Variants in PPP1R9A observed in about 807,000 individuals in gnomAD.
The protein encoded by PPP1R9A is protein phosphatase 1 regulatory subunit 9A, also known as neurabin-1.
In PPP1R9A, 59 loss-of-function variants were observed where a neutral mutation model predicts 141.9. The ratio of observed to expected loss-of-function variants is 0.42; its 90% confidence interval spans 0.34 to 0.52. PPP1R9A has a LOEUF of 0.52. Among genes scored for constraint, PPP1R9A ranks in the 20% least tolerant of loss-of-function variants. The pLI, the probability that PPP1R9A is intolerant of heterozygous loss-of-function variation, is 0.10. For synonymous variants in PPP1R9A, 500 were observed against 569.7 expected (o/e 0.88, Z 1.74); for missense variants, 1,444 against 1,611.9 (o/e 0.90, Z 1.78).
chr7:94,976,616 G>A (rs1298297949), intron 2 of PPP1R9A, among the ~76,000 whole-genome samples: 1 of 152,038 alleles, frequency 6.6e-6, no homozygotes, highest in Non-Finnish European at 1.5e-5. Context: ...TATTCTTAAT[G>A]CATATTTTGT....
chr7:95,109,938 C>A (rs1394994167), intron 2 of PPP1R9A, among the ~76,000 whole-genome samples: 1 of 151,914 alleles, frequency 6.6e-6, no homozygotes, highest in Admixed American at 6.6e-5. Context: ...AGCACTAACC[C>A]TATACTATGG....
At position 94,944,555 on chromosome 7, in the gene PPP1R9A, G is replaced by A. The variant is rs190424188; in HGVS notation, c.1395+33047G>A. ...TACTTAAGGGGGAAGAGGGCACCTC[G>A]TTTCTTATAAAACTGTAGAGTTAAA... On this transcript the variant is annotated intron_variant, in intron 2 of 19. Transcript: ENST00000433360. Among the ~76,000 whole-genome samples, 11 of 150,768 alleles carry A rather than the reference G, an allele frequency of 7.3e-5. No homozygotes were observed. In the East Asian group the frequency reaches 2.2e-3, roughly 30 times the overall value.
chr7:95,218,586 T>C (rs1303322046), intron 7 of PPP1R9A, among the ~76,000 whole-genome samples: 1 of 152,182 alleles, frequency 6.6e-6, no homozygotes, highest in African/African-American at 2.4e-5. Flanking sequence ...TCTCCCATTA[T>C]TATTGTGTGG....
intron 2 of PPP1R9A, among the ~76,000 whole-genome samples, chr7:94,996,799 G>GTTTTTTTTTT (rs34164253): frequency 9.0e-6 from 1 of 111,646 alleles, no homozygotes. Context: ...GATACTCTGT[G>GTTTTTTTTTT]TTTTTTTTTT....
chr7:95,116,089 C>T (rs1821461297), intron 3 of PPP1R9A, among the ~76,000 whole-genome samples: 1 of 152,018 alleles, frequency 6.6e-6, no homozygotes, highest in African/African-American at 2.4e-5. Context: ...AATTTGGTAA[C>T]ATTTACCACT....
At chr7:95,157,612 G>A (rs57536409) in intron 4 of PPP1R9A, among the ~76,000 whole-genome samples, 9 of 152,230 alleles carry the variant, frequency 5.9e-5, no homozygotes, top group East Asian at 1.9e-4. Context: ...GCGGCAGGCC[G>A]TCTGGAGTGG....
chr7:95,285,067 A>G (rs577423349), intron 17 of PPP1R9A, among the ~76,000 whole-genome samples: 9 of 152,342 alleles, frequency 5.9e-5, no homozygotes, highest in African/African-American at 2.2e-4. Context: ...TGCTGCTTAA[A>G]TGTTCTGCTG....
At chr7:94,980,656 AC>A (rs937396266) in intron 2 of PPP1R9A, among the ~76,000 whole-genome samples, 2 of 150,148 alleles carry the variant, frequency 1.3e-5, no homozygotes, top group Non-Finnish European at 3.0e-5. Context: ...TGATTTCATA[AC>A]CCTTACTGAG....
intron 2 of PPP1R9A, 145 bp from the exon 3 acceptor site, chr7:95,111,114 T>C: frequency 1.1e-6 from 1 of 914,152 alleles, no homozygotes; most frequent in Non-Finnish European, 1.6e-6. Context: ...CAATTTTCCT[T>C]TTCTTAACAT....
intron 2 of PPP1R9A, among the ~76,000 whole-genome samples, chr7:95,081,585 CAG>C (rs1056268263): frequency 6.6e-6 from 1 of 152,016 alleles, no homozygotes; most frequent in African/African-American, 2.4e-5. Flanking sequence ...CAAAATTAAA[CAG>C]AGAGAATAAA....
At chr7:95,282,211 A>G (rs1304565467) in intron 16 of PPP1R9A, among the ~76,000 whole-genome samples, 1 of 143,046 alleles carries the variant, frequency 7.0e-6, no homozygotes, top group African/African-American at 2.7e-5. Flanking sequence ...CACGCCTATA[A>G]GTCCTAGCTA....
At chr7:94,915,305 T>A (rs543047805) in intron 2 of PPP1R9A, among the ~76,000 whole-genome samples, 1 of 152,300 alleles carries the variant, frequency 6.6e-6, no homozygotes, top group Admixed American at 6.5e-5. Flanking sequence ...TATATGAAGT[T>A]TTTTTGTTCA....
chr7:95,187,170 T>A (rs1834774672), intron 5 of PPP1R9A, among the ~76,000 whole-genome samples: 1 of 152,128 alleles, frequency 6.6e-6, no homozygotes, highest in African/African-American at 2.4e-5. Context: ...TGGCAGTTTT[T>A]AAAATTACTA....
chr7:95,089,965 T>C (rs1358117808), intron 2 of PPP1R9A, among the ~76,000 whole-genome samples: 1 of 151,902 alleles, frequency 6.6e-6, no homozygotes, highest in Non-Finnish European at 1.5e-5. Flanking sequence ...GCATGAGCAG[T>C]AGTTTTCCAG....
intron 4 of PPP1R9A, among the ~76,000 whole-genome samples, chr7:95,153,120 G>C (rs1313572244): frequency 6.6e-6 from 1 of 152,046 alleles, no homozygotes; most frequent in African/African-American, 2.4e-5. Flanking sequence ...AAAATGCTGG[G>C]ATTACACGCA....
intron 2 of PPP1R9A, among the ~76,000 whole-genome samples, chr7:95,068,818 G>C: frequency 6.6e-6 from 1 of 152,150 alleles, no homozygotes; most frequent in East Asian, 1.9e-4. Flanking sequence ...CCAGCAGTCA[G>C]GTACTTGCTT....
intron 2 of PPP1R9A, among the ~76,000 whole-genome samples, chr7:94,933,139 G>A (rs1353092931): frequency 6.6e-6 from 1 of 151,960 alleles, no homozygotes; most frequent in Non-Finnish European, 1.5e-5. Context: ...TTTCAGTGCT[G>A]TAATTATTAA....
intron 12 of PPP1R9A, among the ~76,000 whole-genome samples, chr7:95,262,331 T>A (rs531839706): frequency 1.3e-5 from 2 of 152,304 alleles, no homozygotes; most frequent in Admixed American, 6.5e-5. Flanking sequence ...TTTCCCTGGC[T>A]TTTAGGTTAT....
At chr7:94,925,203 AT>A (rs528029363) in intron 2 of PPP1R9A, among the ~76,000 whole-genome samples, 1 of 149,990 alleles carries the variant, frequency 6.7e-6, no homozygotes, top group Non-Finnish European at 1.5e-5. Context: ...TTGCTGGAAA[AT>A]TTTTTTTTTG....
Sources: allele counts gnomAD v4.1 joint callset (sites outside exome capture counted in the v4.1 genomes callset), GRCh38; gene constraint gnomAD v4.1.1; transcripts MANE v1.5; gene names NCBI Gene and HGNC (gene_info 2026-07-23, HGNC 2026-07-21).